KCNT1: variants seen among roughly 807,000 people sequenced by gnomAD.
The protein encoded by KCNT1 is potassium sodium-activated channel subfamily T member 1.
KCNT1 carries 78 observed loss-of-function variants against 147.8 expected under a neutral mutation model. The ratio of observed to expected loss-of-function variants is 0.53; its 90% CI spans 0.44 to 0.64. KCNT1 has a LOEUF of 0.64. Among genes scored for constraint, KCNT1 ranks in the 30% least tolerant of loss-of-function variants. The pLI is 0.00. For synonymous variants in KCNT1, 867 were observed against 748.8 expected (o/e 1.16, Z -2.58); for missense variants, 1,419 against 1,750.3 (o/e 0.81, Z 3.38).
In KCNT1 at chr9:135,752,231, G is replaced by A. The variant is rs192855646; in HGVS notation, c.434+1190G>A. On this transcript the variant is annotated intron_variant, in intron 4 of 30. Transcript: ENST00000371757. This position sits in a 1 kb window ranked among gnomAD's most constrained non-coding sequence, Gnocchi z 5.1. ...TCCCTGGAGAGAAGGCCTGACTGCC[G>A]GGAGCCTGGCTTCTGGGGACCTAAA... is the stretch of plus-strand genomic sequence containing the variant. 450 of 388,798 alleles carry A rather than the reference G, an allele frequency of 1.2e-3. 4 individuals carry two copies. Among genetic ancestry groups the A allele is most frequent in the South Asian group, 7.3e-3 (385 of 52,532 alleles). The allele number at this position is 388,798 out of a possible 1,614,324, so 24.1% of individuals were successfully genotyped here. A position where few individuals can be genotyped will look rare whatever the true frequency, so the allele number is the denominator to read the frequency against.
intron 1 of KCNT1, among the ~76,000 whole-genome samples, chr9:135,703,753 G>T (rs961422096): frequency 3.3e-5 from 5 of 152,178 alleles, no homozygotes; most frequent in Non-Finnish European, 7.3e-5. Flanking sequence ...TACCCTGCTG[G>T]GCCTGACCTG....
At chr9:135,765,491 C>T (rs1487058953) in intron 12 of KCNT1, 133 bp from the exon 13 acceptor site, 6 of 1,073,118 alleles carry the variant, frequency 5.6e-6, no homozygotes, top group African/African-American at 3.2e-5. Context: ...CCTCTTTTCC[C>T]TCCCACCAGA....
chr9:135,788,828 A>G lies in KCNT1; in HGVS notation c.3502+2307A>G, dbSNP rs73667824. 2.2e-3 allele frequency among the ~76,000 whole-genome samples: 333 copies of G among 152,302 alleles called. 1 individual carries two copies. Among genetic ancestry groups the G allele is most frequent in the African/African-American group, 7.1e-3 (294 of 41,574 alleles). ...ATGCTGTGCCCCGTCAGTGCTCAGC[A>G]GAGTCCGGGCCAGGGTGCTCCCAGG... On this transcript the variant is annotated intron_variant, in intron 29 of 30. Coordinates refer to ENST00000371757, the MANE Select transcript of KCNT1 (RefSeq NM_020822.3).
rs2131574362 is a variant in KCNT1 at position 135,784,550 on chromosome 9, T to C, written c.2959T>C (p.Tyr987His). ...CCCTGGCCAGTCCTTCGTGAAGGACTACATGATCACCATCACCCGGCTGCT... is the reference window on the plus strand; with the variant it reads ...CCCTGGCCAGTCCTTCGTGAAGGACCACATGATCACCATCACCCGGCTGCT... ...TLLYQSFVKD[Y>H]MITITRLLLG... The change falls in exon 26 of 31, where the codon TAC (tyrosine) becomes CAC (histidine). Residue 987 changes from tyrosine to histidine, a missense_variant. Physicochemically the swap from Tyr to His is moderately conservative, Grantham distance 83. Transcript: ENST00000371757. 7.6e-7 allele frequency: 1 copy of C among 1,315,382 alleles called. No individual in the cohort carries two copies. The highest frequency in any genetic ancestry group is 5.0e-5 in the East Asian group (1 of 19,874). The allele number at this position is 1,315,382 out of a possible 1,614,324, so 81.5% of individuals were successfully genotyped here. A position where few individuals can be genotyped will look rare whatever the true frequency, so the allele number is the denominator to read the frequency against.
Position 135,751,084 on chromosome 9 carries a change from G to A in KCNT1, c.434+43G>A, listed in dbSNP as rs754733277. Reference sequence around the variant, plus strand: ...CCGGGCGCGGGGTCCCGGGTCCCAGGGCTGAGCCTTCCCACTGGGCCGTTA... The same window carrying A: ...CCGGGCGCGGGGTCCCGGGTCCCAGAGCTGAGCCTTCCCACTGGGCCGTTA... On this transcript the variant is annotated intron_variant, in intron 4 of 30. Coordinates refer to ENST00000371757, the MANE Select transcript of KCNT1 (RefSeq NM_020822.3). The A allele has an allele frequency of 5.9e-5, 92 of 1,560,422 alleles. No homozygotes were observed. The Admixed American group carries it at 1.5e-3, about 25-fold the overall frequency.
intron 4 of KCNT1, among the ~76,000 whole-genome samples, chr9:135,751,438 TGTCTTCTACCCCTCCTGGGTCCCAAGGA>T (rs957524021): frequency 1.3e-4 from 19 of 151,838 alleles, no homozygotes; most frequent in Middle Eastern, 3.2e-3. Context: ...TTTCTGGGGG[TGTCTTCTACCCCTCCTGGGTCCCAAGGA>T]GTCCCCTCCC....
intron 15 of KCNT1, among the ~76,000 whole-genome samples, chr9:135,769,302 C>T (rs906994016): frequency 6.6e-6 from 1 of 151,294 alleles, no homozygotes; most frequent in African/African-American, 2.4e-5. Flanking sequence ...GGGCAGGGCG[C>T]GTGTGCACAC....
In KCNT1 at chr9:135,741,321, G is replaced by T. The variant is rs182847235; in HGVS notation, c.255-8777G>T. Among the ~76,000 whole-genome samples the T allele has an allele frequency of 4.0e-3, 614 of 152,310 alleles. 4 individuals carry two copies. Among genetic ancestry groups the T allele is most frequent in the African/African-American group, 0.013 (551 of 41,576 alleles). ...ACACAGTGGGCCCCAGCAGGGAGGA[G>T]CCCAGCCAGGGCCTGGCCACGCCGG... is the stretch of plus-strand genomic sequence containing the variant. On this transcript the variant is annotated intron_variant, in intron 2 of 30. Transcript: ENST00000371757.
At chr9:135,708,834 C>A (rs1204064711) in intron 1 of KCNT1, among the ~76,000 whole-genome samples, 1 of 152,194 alleles carries the variant, frequency 6.6e-6, no homozygotes, top group African/African-American at 2.4e-5. Flanking sequence ...CGTGAGGCAC[C>A]ATGCTGGACC....
intron 2 of KCNT1, among the ~76,000 whole-genome samples, chr9:135,721,712 T>A (rs1588264925): frequency 6.6e-6 from 1 of 152,222 alleles, no homozygotes; most frequent in South Asian, 2.1e-4. Context: ...TGCTTTACGG[T>A]GTCCTGAGTG....
At chr9:135,788,012 C>A (rs549916348) in intron 29 of KCNT1, 11 of 986,608 alleles carry the variant, frequency 1.1e-5, no homozygotes, top group African/African-American at 6.4e-5. Context: ...CCCCTGCACC[C>A]GCCCACTGTG....
At chr9:135,733,711 G>A (rs1396022289) in intron 2 of KCNT1, among the ~76,000 whole-genome samples, 1 of 147,672 alleles carries the variant, frequency 6.8e-6, no homozygotes, top group African/African-American at 2.5e-5. Context: ...ACCCCAGCTA[G>A]TTTGGGGCTT....
intron 2 of KCNT1, among the ~76,000 whole-genome samples, chr9:135,748,851 CTT>C (rs1830987072): frequency 6.6e-6 from 1 of 152,240 alleles, no homozygotes; most frequent in African/African-American, 2.4e-5. Flanking sequence ...GGGCACCTCT[CTT>C]TGACCCCAGG....
At chr9:135,743,673 G>A (rs561096275) in intron 2 of KCNT1, among the ~76,000 whole-genome samples, 1 of 152,350 alleles carries the variant, frequency 6.6e-6, no homozygotes, top group South Asian at 2.1e-4. Context: ...TCTCAGACCT[G>A]TGGAGGAAAT....
chr9:135,780,255 AAT>A (rs1441417625), intron 24 of KCNT1, among the ~76,000 whole-genome samples: 3 of 152,242 alleles, frequency 2.0e-5, no homozygotes, highest in East Asian at 1.9e-4. Context: ...GGTCAGCAGC[AAT>A]GCTGTCTGCT....
At chr9:135,721,497 G>A (rs1252170005) in intron 2 of KCNT1, among the ~76,000 whole-genome samples, 3 of 152,160 alleles carry the variant, frequency 2.0e-5, no homozygotes, top group Non-Finnish European at 2.9e-5. Context: ...TGGCCAGGCC[G>A]GTGGGGCCCA....
chr9:135,757,259 G>C (rs377448102), intron 8 of KCNT1, 29 bp downstream of exon 8: 3 of 1,611,974 alleles, frequency 1.9e-6, no homozygotes, highest in Admixed American at 1.7e-5. Flanking sequence ...CCAGGAGTGC[G>C]GGCCCTGGAG....
intron 28 of KCNT1, 155 bp from the exon 29 acceptor site, chr9:135,786,042 G>A: frequency 1.6e-6 from 1 of 641,472 alleles, no homozygotes; most frequent in Non-Finnish European, 2.7e-6. Context: ...TGCACCCTGG[G>A]GTCTGTCGTC....
At chr9:135,764,274 A>G (rs1300838585) in intron 11 of KCNT1, among the ~76,000 whole-genome samples, 3 of 151,676 alleles carry the variant, frequency 2.0e-5, no homozygotes, top group African/African-American at 4.8e-5. Context: ...TGGGCAATGT[A>G]GTGAGACCCC....
Sources: gnomAD v4.1 joint callset for allele counts (sites outside exome capture counted in the v4.1 genomes callset) on GRCh38, gnomAD v4.1.1 for gene constraint, Gnocchi (gnomAD v3.1) non-coding constraint, MANE v1.5 for transcripts, NCBI Gene and HGNC (gene_info 2026-07-23, HGNC 2026-07-21) for gene names.